KLF7: variants seen among roughly 807,000 people sequenced by gnomAD.
KLF7 encodes Krueppel-like factor 7.
KLF7 carries 2 observed loss-of-function variants against 27.3 expected under a neutral mutation model. The ratio of observed to expected loss-of-function variants is 0.07; its 90% CI spans 0.03 to 0.23. KLF7 has a LOEUF of 0.23. KLF7 is among the 10% of genes least tolerant of loss of function. The probability of loss-of-function intolerance (pLI) is 1.00; values close to 1 mark genes in which losing one functional copy is unlikely to be tolerated. For synonymous variants in KLF7, 165 were observed against 162.4 expected (o/e 1.02, Z -0.12); for missense variants, 221 against 394.1 (o/e 0.56, Z 3.72).
At chr2:207,126,630 G>A (rs2077482380) in intron 1 of KLF7, among the ~76,000 whole-genome samples, 2 of 152,196 alleles carry the variant, frequency 1.3e-5, no homozygotes, top group South Asian at 4.1e-4. Flanking sequence ...ACAAGACCCT[G>A]TCTCCACAAA....
chr2:207,111,902 C>T (rs1393532166), intron 2 of KLF7, among the ~76,000 whole-genome samples: 1 of 152,122 alleles, frequency 6.6e-6, no homozygotes, highest in African/African-American at 2.4e-5. Context: ...ATAACCACAT[C>T]CAATCAACCG....
chr2:207,096,439 A>T (rs1408535312), intron 2 of KLF7, among the ~76,000 whole-genome samples: 3 of 152,230 alleles, frequency 2.0e-5, no homozygotes, highest in Non-Finnish European at 4.4e-5. Flanking sequence ...TGCGTATCAG[A>T]ATCTGTTTTT....
At chr2:207,102,924 T>G (rs1317227696) in intron 2 of KLF7, among the ~76,000 whole-genome samples, 1 of 152,140 alleles carries the variant, frequency 6.6e-6, no homozygotes, top group Non-Finnish European at 1.5e-5. Flanking sequence ...AATGTCAAGC[T>G]GTACTTTTAT....
rs537102342 is a variant in KLF7, at chr2:207,082,417, G to A, written c.858-1153C>T. ...TCTGGGGGATAGAAAGAGTCCAGAT[G>A]ATAATATCAGAGAAGCTGGATCCAA... On this transcript the variant is annotated intron_variant, in intron 3 of 3. Transcript: ENST00000309446. Among the ~76,000 whole-genome samples, 210 of 152,298 alleles carry A rather than the reference G, an allele frequency of 1.4e-3. 2 individuals carry two copies. Among genetic ancestry groups the A allele is most frequent in the Non-Finnish European group, 9.4e-4 (64 of 68,026 alleles).
intron 1 of KLF7, among the ~76,000 whole-genome samples, chr2:207,144,082 T>G (rs1267616450): frequency 1.7e-4 from 4 of 23,228 alleles, no homozygotes; most frequent in African/African-American, 4.4e-4. Flanking sequence ...GGCAACTGCT[T>G]GTGTAAGCGC....
chr2:207,096,212 C>T (rs1385749877), intron 2 of KLF7, among the ~76,000 whole-genome samples: 2 of 152,152 alleles, frequency 1.3e-5, no homozygotes, highest in African/African-American at 2.4e-5. Context: ...TAAACAAGTC[C>T]AAGTACTCCA....
chr2:207,166,311 C>T, upstream of KLF7: 1 of 403,070 alleles, frequency 2.5e-6, no homozygotes, highest in Non-Finnish European at 3.4e-6. Context: ...GATCTCCCTG[C>T]TGCCTTACAA....
rs954006615 is a variant in KLF7, at chr2:207,091,308, C to T, written c.734-2727G>A. Among the ~76,000 whole-genome samples the T allele has an allele frequency of 9.2e-5, 14 of 152,298 alleles. 2 individuals carry two copies. The South Asian group carries it at 2.9e-3, about 32-fold the overall frequency. ...AATGATAAGACTCTTAGTTACTTCC[C>T]AGTACAAACCAACTCTCCAACCCAG... is the stretch of plus-strand genomic sequence containing the variant. On this transcript the variant is annotated intron_variant, in intron 2 of 3. Transcript: ENST00000309446.
chr2:207,165,181 T>C (rs140789530), intron 1 of KLF7, among the ~76,000 whole-genome samples: 1 of 151,888 alleles, frequency 6.6e-6, no homozygotes, highest in African/African-American at 2.4e-5. Context: ...AGGTCTCTGA[T>C]AGGGGACAGC....
chr2:207,145,663 G>A (rs948252498), intron 1 of KLF7, among the ~76,000 whole-genome samples: 11 of 152,172 alleles, frequency 7.2e-5, no homozygotes, highest in African/African-American at 2.7e-4. Flanking sequence ...TGTCACTAAG[G>A]AGTATTCTTT....
chr2:207,113,846 T>C (rs2077105786), intron 2 of KLF7, among the ~76,000 whole-genome samples: 2 of 152,194 alleles, frequency 1.3e-5, no homozygotes, highest in South Asian at 4.1e-4. Context: ...TTACTGTTTC[T>C]CCACTGCTTC....
At chr2:207,112,404 T>A (rs765736700) in intron 2 of KLF7, among the ~76,000 whole-genome samples, 3 of 152,144 alleles carry the variant, frequency 2.0e-5, no homozygotes, top group Non-Finnish European at 4.4e-5. Context: ...AATGATTCCA[T>A]AAAGCCTGAA....
At chr2:207,108,211 A>C (rs2076932006) in intron 2 of KLF7, among the ~76,000 whole-genome samples, 1 of 152,244 alleles carries the variant, frequency 6.6e-6, no homozygotes, top group South Asian at 2.1e-4. Context: ...AAAAACAAAA[A>C]CAAAAACTTT....
chr2:207,102,066 T>C (rs1025852825), intron 2 of KLF7, among the ~76,000 whole-genome samples: 2 of 151,202 alleles, frequency 1.3e-5, no homozygotes, highest in Admixed American at 1.3e-4. Flanking sequence ...TGCTCCCTAA[T>C]AGGAATCATT....
chr2:207,158,519 C>T (rs772947601), intron 1 of KLF7, among the ~76,000 whole-genome samples: 35 of 152,218 alleles, frequency 2.3e-4, no homozygotes, highest in Non-Finnish European at 4.7e-4. Flanking sequence ...TTGCTTTCTA[C>T]TTCCATCTAG....
At chr2:207,163,771 T>C (rs775965351) in intron 1 of KLF7, among the ~76,000 whole-genome samples, 3 of 152,144 alleles carry the variant, frequency 2.0e-5, no homozygotes. Flanking sequence ...GTCTAGACAG[T>C]TGTTAATATG....
intron 2 of KLF7, among the ~76,000 whole-genome samples, chr2:207,092,052 T>C (rs2076524648): frequency 6.6e-6 from 1 of 152,226 alleles, no homozygotes; most frequent in Admixed American, 6.5e-5. Context: ...AAATCAGCTC[T>C]TCTCTTTCAC....
At chr2:207,148,171 A>G (rs1452342791) in intron 1 of KLF7, among the ~76,000 whole-genome samples, 1 of 152,180 alleles carries the variant, frequency 6.6e-6, no homozygotes, top group Non-Finnish European at 1.5e-5. Context: ...CCAGCTGCAT[A>G]CTCAAGTGTT....
At chr2:207,102,722 A>G (rs1222791732) in intron 2 of KLF7, among the ~76,000 whole-genome samples, 1 of 152,244 alleles carries the variant, frequency 6.6e-6, no homozygotes. Context: ...TATTAAGACT[A>G]AAAGCATAGC....
Sources: gnomAD v4.1 joint callset for allele counts (sites outside exome capture counted in the v4.1 genomes callset) on GRCh38, gnomAD v4.1.1 for gene constraint, MANE v1.5 for transcripts, NCBI Gene and HGNC (gene_info 2026-07-23, HGNC 2026-07-21) for gene names.